PYHIN1: variants seen among roughly 807,000 people sequenced by gnomAD.
PYHIN1 encodes the protein pyrin and HIN domain-containing protein 1.
In PYHIN1, 32 loss-of-function variants were observed where a neutral mutation model predicts 43.7. The ratio of observed to expected loss-of-function variants is 0.73; its 90% CI spans 0.55 to 0.98. The LOEUF is 0.98. PYHIN1 is among the 50% of genes least tolerant of loss of function. PYHIN1 has a pLI of 0.00. For synonymous variants in PYHIN1, 205 were observed against 203.1 expected (o/e 1.01, Z -0.08); for missense variants, 588 against 589.5 (o/e 1.00, Z 0.03).
At chr1:158,934,036 T>C (rs544196575) in intron 1 of PYHIN1, among the ~76,000 whole-genome samples, 1 of 152,166 alleles carries the variant, frequency 6.6e-6, no homozygotes, top group Non-Finnish European at 1.5e-5. Flanking sequence ...TTTGTTTAGA[T>C]TGAAATTCTA....
At chr1:158,940,589 G>T (rs1648856812) in intron 4 of PYHIN1, among the ~76,000 whole-genome samples, 2 of 152,074 alleles carry the variant, frequency 1.3e-5, no homozygotes, top group Non-Finnish European at 2.9e-5. Context: ...ACTCTAATGA[G>T]CTTTATTATT....
At chr1:158,962,986 C>T (rs1469944106) in intron 7 of PYHIN1, among the ~76,000 whole-genome samples, 3 of 152,146 alleles carry the variant, frequency 2.0e-5, no homozygotes, top group African/African-American at 4.8e-5. Flanking sequence ...ACCACAGTCA[C>T]CATACAGGCA....
chr1:158,932,996 T>G (rs1648257257), intron 1 of PYHIN1, among the ~76,000 whole-genome samples: 1 of 152,000 alleles, frequency 6.6e-6, no homozygotes, highest in African/African-American at 2.4e-5. Context: ...TTTATATATG[T>G]TAGATAAATA....
chr1:158,975,403 T>C (rs576129674), intron 8 of PYHIN1, among the ~76,000 whole-genome samples: 4 of 152,092 alleles, frequency 2.6e-5, no homozygotes, highest in Admixed American at 2.6e-4. Flanking sequence ...AATTACTATA[T>C]GGGAAAAAAC....
chr1:158,936,458 G>A (rs1648548806), intron 1 of PYHIN1, among the ~76,000 whole-genome samples: 1 of 151,860 alleles, frequency 6.6e-6, no homozygotes, highest in Admixed American at 6.6e-5. Context: ...TAGAATACTG[G>A]CAAACCAAAT....
At chr1:158,988,945 T>A in the PYHIN1 span, among the ~76,000 whole-genome samples, 1 of 152,170 alleles carries the variant, frequency 6.6e-6, no homozygotes, top group South Asian at 2.1e-4. Context: ...CATCAACCAT[T>A]TCAGCTGACA....
chr1:158,951,632 T>C lies in PYHIN1; in HGVS notation c.1359+6590T>C, dbSNP rs55642488. 3.7e-3 allele frequency among the ~76,000 whole-genome samples: 562 copies of C among 152,318 alleles called. 3 individuals are homozygous for C. The highest frequency in any genetic ancestry group is 6.3e-3 in the Non-Finnish European group (431 of 68,032). On this transcript the variant is annotated intron_variant, in intron 7 of 8. Transcript: ENST00000368140. ...AAACAGTGTTAAAGCATTAGGTGTG[T>C]GGGGAGTGAACTACTTTTGTAGTTA...
chr1:158,939,793 A>C (rs755962246), intron 4 of PYHIN1: 1 of 471,444 alleles, frequency 2.1e-6, no homozygotes, highest in African/African-American at 1.9e-5. Context: ...ATGACAACTG[A>C]AGTTAATAAG....
intron 7 of PYHIN1, among the ~76,000 whole-genome samples, chr1:158,959,754 T>A (rs893425622): frequency 6.6e-6 from 1 of 152,212 alleles, no homozygotes; most frequent in African/African-American, 2.4e-5. Context: ...TTTGAACAAC[T>A]GGAGTGAAGG....
At chr1:158,939,357 T>G in intron 4 of PYHIN1, 110 bp downstream of exon 4, 2 of 1,600,978 alleles carry the variant, frequency 1.2e-6, no homozygotes. Context: ...GTAAATCAAA[T>G]GTATAGACTG....
intron 7 of PYHIN1, among the ~76,000 whole-genome samples, chr1:158,947,643 G>A (rs1374247737): frequency 6.6e-6 from 1 of 152,228 alleles, no homozygotes; most frequent in East Asian, 1.9e-4. Context: ...TCGGCTAAGG[G>A]TCCAGACCCA....
chr1:158,948,503 G>A (rs760388754), intron 7 of PYHIN1, among the ~76,000 whole-genome samples: 22 of 152,146 alleles, frequency 1.4e-4, no homozygotes, highest in Non-Finnish European at 2.1e-4. Flanking sequence ...ATGCCAGTGC[G>A]TCTTGTTGCT....
intron 7 of PYHIN1, among the ~76,000 whole-genome samples, chr1:158,955,869 G>A: frequency 1.3e-5 from 1 of 74,658 alleles, no homozygotes. Flanking sequence ...GACTAATAAA[G>A]AAAAAAAGAG....
rs990388624 is a variant in PYHIN1 at position 158,953,057 on chromosome 1, T to A, written c.1359+8015T>A. ...GCGCTTTTCGGACCGGCTTAAAAAA[T>A]GGCGCACCAGGAGATTATATCCTGC... On this transcript the variant is annotated intron_variant, in intron 7 of 8. Transcript: ENST00000368140. 2.8e-4 allele frequency among the ~76,000 whole-genome samples: 42 copies of A among 152,292 alleles called. No homozygotes were observed. In the Middle Eastern group the frequency reaches 0.014, roughly 49 times the overall value.
At position 158,943,198 on chromosome 1, in the gene PYHIN1, T is replaced by G. The variant is rs543608204; in HGVS notation, c.1003-592T>G. 7.2e-5 allele frequency among the ~76,000 whole-genome samples: 11 copies of G among 152,320 alleles called. No individual in the cohort carries two copies. The East Asian group carries it at 2.1e-3, about 29-fold the overall frequency. ...CTCTTATTTTACCAGCATTGCTTTC[T>G]GTACACACTCTTAAAGAAATTCTTA... is the stretch of plus-strand genomic sequence containing the variant. On this transcript the variant is annotated intron_variant, in intron 5 of 8. Coordinates refer to ENST00000368140, the MANE Select transcript of PYHIN1 (RefSeq NM_152501.5).
At chr1:158,973,585 G>GA in intron 7 of PYHIN1, 62 bp from the exon 8 acceptor site, 10 of 1,587,628 alleles carry the variant, frequency 6.3e-6, no homozygotes, top group South Asian at 1.1e-5. Context: ...ATATTAAGCA[G>GA]AAAAAACCAG....
At chr1:158,983,542 G>A in the PYHIN1 span, among the ~76,000 whole-genome samples, 19 of 150,982 alleles carry the variant, frequency 1.3e-4, no homozygotes, top group Non-Finnish European at 2.2e-4. Context: ...TAGTTTGCTA[G>A]TATTTTTTTT....
At chr1:158,950,771 G>A (rs568748225) in intron 7 of PYHIN1, among the ~76,000 whole-genome samples, 10 of 152,276 alleles carry the variant, frequency 6.6e-5, no homozygotes, top group Admixed American at 1.3e-4. Context: ...GGTGGAGTCG[G>A]CACGTTCTAC....
the PYHIN1 span, among the ~76,000 whole-genome samples, chr1:158,989,396 C>T: frequency 2.6e-5 from 4 of 152,134 alleles, no homozygotes; most frequent in Admixed American, 6.5e-5. Context: ...AGTTTGTGTG[C>T]TCAGTTCCTC....
Sources: allele counts gnomAD v4.1 joint callset (sites outside exome capture counted in the v4.1 genomes callset), GRCh38; gene constraint gnomAD v4.1.1; transcripts MANE v1.5; gene names NCBI Gene and HGNC (gene_info 2026-07-23, HGNC 2026-07-21).